The following YIPF3 variants were observed in gnomAD, a reference collection of about 807,000 sequenced individuals.
The protein encoded by YIPF3 is Yip1 domain family member 3.
In YIPF3, 18 loss-of-function variants were observed where a neutral mutation model predicts 40.3. That is an observed-to-expected ratio of 0.45 (90% CI 0.31 to 0.66). The LOEUF (loss-of-function observed/expected upper bound fraction) is 0.66, where lower values mean the gene tolerates loss of function less well. Ranked by LOEUF, YIPF3 falls within the 30% of genes least tolerant of loss-of-function variation. The probability of loss-of-function intolerance (pLI) is 0.07; values close to 1 mark genes in which losing one functional copy is unlikely to be tolerated. For missense variants in YIPF3, 406 were observed against 452.2 expected, an observed-to-expected ratio of 0.90 and a Z score of 0.93; for synonymous variants, 190 against 179.6, an observed-to-expected ratio of 1.06 and a Z score of -0.46.
intron 5 of YIPF3, 21 bp downstream of exon 5, chr6:43,513,337 CA>C (rs1322815913): frequency 1.2e-6 from 2 of 1,613,942 alleles, no homozygotes; most frequent in African/African-American, 2.7e-5. Flanking sequence ...GCCACCCCCC[CA>C]AAGTTGTCTG....
intron 3 of YIPF3, chr6:43,515,067 A>G: frequency 3.2e-6 from 1 of 315,370 alleles, no homozygotes; most frequent in South Asian, 2.4e-5. Context: ...ATCTCGGCTC[A>G]CTGCAAGCTC....
intron 7 of YIPF3, 75 bp from the exon 8 acceptor site, chr6:43,512,638 G>T: frequency 6.5e-7 from 1 of 1,547,196 alleles, no homozygotes; most frequent in Non-Finnish European, 8.7e-7. Context: ...CCCACCCAGG[G>T]CAGAACCATC....
chr6:43,514,475 A>G (rs905015878), intron 3 of YIPF3, among the ~76,000 whole-genome samples: 2 of 152,194 alleles, frequency 1.3e-5, no homozygotes, highest in African/African-American at 4.8e-5. Context: ...ATGAAAATTT[A>G]GTCACTTCCC....
chr6:43,516,897 G>A lies in YIPF3; in HGVS notation c.-90C>T. On this transcript the variant is annotated 5_prime_UTR_variant, in exon 1 of 9. Coordinates refer to ENST00000372422, the MANE Select transcript of YIPF3 (RefSeq NM_015388.4). ...GGCCTCCGGAAGGTAGACGTCCAGG[G>A]TCGAGGAGAGGTGGGATCGGCCGGA... 2.1e-6 allele frequency: 3 copies of A among 1,419,218 alleles called. No homozygotes were observed. The highest frequency in any genetic ancestry group is 2.5e-5 in the East Asian group (1 of 40,278). The allele number at this position is 1,419,218 out of a possible 1,614,324, so 87.9% of individuals were successfully genotyped here.
Position 43,513,593 on chromosome 6 carries a change from G to C in YIPF3, c.436C>G (p.Pro146Ala). ...SMIPIKMVNF[P>A]QKIAGELYGP... is the part of the protein sequence containing the mutation. ...ACATGCCACCCTCTATTCACCTGGG[G>C]GAAGTTGACCATCTTGATAGGGATC... is the stretch of plus-strand genomic sequence containing the variant. Residue 146 changes from proline (P) to alanine (A), a missense_variant, in exon 4 of 9, where the codon CCC becomes GCC. Coordinates refer to ENST00000372422, the MANE Select transcript of YIPF3 (RefSeq NM_015388.4). 6.3e-7 allele frequency: 1 copy of C among 1,582,538 alleles called. No individual in the cohort carries two copies. Among genetic ancestry groups the C allele is most frequent in the South Asian group, 1.2e-5 (1 of 85,924 alleles).
chr6:43,514,943 A>C (rs974176732), intron 3 of YIPF3, among the ~76,000 whole-genome samples: 8 of 152,094 alleles, frequency 5.3e-5, no homozygotes, highest in African/African-American at 1.9e-4. Flanking sequence ...TCCAGGAATA[A>C]GAAAGGATAG....
In YIPF3 at chr6:43,516,070, A is replaced by G. The variant is rs147018912; in HGVS notation, c.107T>C (p.Met36Thr). ...GCCTGAGGTATCATCCATGTTCTCC[A>G]TGTCAATCACAGCTGAGCCTCCGCC... ...IQGGGSAVID[M>T]ENMDDTSGSS... The change falls in exon 2 of 9, where the codon ATG becomes ACG. Residue 36 changes from methionine to threonine, a missense_variant. Coordinates refer to ENST00000372422, the MANE Select transcript of YIPF3 (RefSeq NM_015388.4). The G allele has an allele frequency of 4.2e-4, 673 of 1,614,124 alleles. 1 individual carries two copies. The highest frequency in any genetic ancestry group is 5.5e-4 in the Non-Finnish European group (651 of 1,180,038).
In YIPF3 at chr6:43,512,428, C is replaced by T; in HGVS notation, c.904+12G>A. On this transcript the variant is annotated intron_variant, in intron 8 of 8. Coordinates refer to ENST00000372422, the MANE Select transcript of YIPF3 (RefSeq NM_015388.4). ...TCCCATTCTCCCCCACCCAGACCTT[C>T]CTGCCACTTACCCTCTACCACTTTG... 1 of 1,614,174 alleles carries T rather than the reference C, an allele frequency of 6.2e-7. No individual in the cohort carries two copies. The highest frequency in any genetic ancestry group is 8.5e-7 in the Non-Finnish European group (1 of 1,180,016).
chr6:43,515,974 TCAGCTG>T lies in YIPF3; in HGVS notation c.197_202del (p.Ala66_Ala67del). ...ATCCTCCTCTTCAGCAGCAGCTGCA[TCAGCTG>T]CATCAGCGTCTACTTCTTCCTCGCG... On this transcript the variant is annotated inframe_deletion, in exon 2 of 9. Transcript: ENST00000372422. 1.2e-6 allele frequency: 2 copies of T among 1,613,834 alleles called. No homozygotes were observed. Among genetic ancestry groups the T allele is most frequent in the Non-Finnish European group, 1.7e-6 (2 of 1,179,802 alleles).
At chr6:43,512,896 A>T in intron 6 of YIPF3, 22 bp from the exon 7 acceptor site, 1 of 1,610,092 alleles carries the variant, frequency 6.2e-7, no homozygotes, top group East Asian at 2.2e-5. Flanking sequence ...GATGGTGGAG[A>T]GGAAAATCAT....
chr6:43,512,032 A>G lies in YIPF3; in HGVS notation c.*135T>C. The G allele has an allele frequency of 7.3e-7, 1 of 1,372,270 alleles. No homozygotes were observed. 85.0% of individuals were successfully genotyped at this position (1,372,270 alleles called of 1,614,324 possible). A position where few individuals can be genotyped will look rare whatever the true frequency, so the allele number is the denominator to read the frequency against. On this transcript the variant is annotated 3_prime_UTR_variant, in exon 9 of 9. Coordinates refer to ENST00000372422, the MANE Select transcript of YIPF3 (RefSeq NM_015388.4). ...TCAGAAGTGCCGACAGGCATCAAGG[A>G]GGTACTTACGCAGCTACAGCTCAGT...
intron 3 of YIPF3, 77 bp downstream of exon 3, chr6:43,515,518 G>A: frequency 6.7e-7 from 1 of 1,492,040 alleles, no homozygotes; most frequent in South Asian, 1.1e-5. Flanking sequence ...TCAGAGCCCA[G>A]GGCTTGAAAT....
At chr6:43,515,139 CG>C (rs1196214340) in intron 3 of YIPF3, 1 of 372,752 alleles carries the variant, frequency 2.7e-6, no homozygotes, top group Non-Finnish European at 5.3e-6. Context: ...GCTGGGACTA[CG>C]GGCACCCGCC....
chr6:43,512,350 T>C, intron 8 of YIPF3, 35 bp from the exon 9 acceptor site: 1 of 1,612,868 alleles, frequency 6.2e-7, no homozygotes, highest in South Asian at 1.1e-5. Flanking sequence ...GAGGATCAGA[T>C]GGGCCCAGCC....
At chr6:43,515,403 A>G in intron 3 of YIPF3, 192 bp downstream of exon 3, 1 of 682,498 alleles carries the variant, frequency 1.5e-6, no homozygotes. Flanking sequence ...GAAGATGAGT[A>G]GTCAGTTAGA....
intron 2 of YIPF3, 73 bp from the exon 3 acceptor site, chr6:43,515,774 A>T: frequency 6.2e-7 from 1 of 1,606,336 alleles, no homozygotes; most frequent in Admixed American, 1.7e-5. Context: ...TTTCCGTTTG[A>T]TTTCTACATG....
chr6:43,516,541 G>A (rs1792838962), intron 1 of YIPF3, 186 bp downstream of exon 1: 1 of 688,170 alleles, frequency 1.5e-6, no homozygotes, highest in Non-Finnish European at 2.3e-6. Context: ...GAGATCCTCA[G>A]GCTGGAGTAG....
In YIPF3 at chr6:43,513,640, G is replaced by A. The variant is rs369381937; in HGVS notation, c.396-7C>T. The A allele has an allele frequency of 7.1e-6, 11 of 1,544,384 alleles. No individual in the cohort carries two copies. The highest frequency in any genetic ancestry group is 8.7e-6 in the Non-Finnish European group (10 of 1,147,230). On this transcript the variant is annotated splice_region_variant and splice_polypyrimidine_tract_variant and intron_variant, in intron 3 of 8. Transcript: ENST00000372422. ...GATCATGGACTCCAGGAGCCTGGGA[G>A]AGGAGAGGAGAGATTAAAGCAAAGG...
Position 43,516,045 on chromosome 6 carries a change from G to A in YIPF3, c.132C>T (p.Gly44=). ...IDMENMDDTS[G]SSFEDMGELH... is the part of the protein sequence containing the mutation. ...GCTCACCCATATCCTCGAAGCTAGA[G>A]CCTGAGGTATCATCCATGTTCTCCA... Residue 44 remains glycine (G), a synonymous_variant, in exon 2 of 9, where the codon GGC becomes GGT. Coordinates refer to ENST00000372422, the MANE Select transcript of YIPF3 (RefSeq NM_015388.4). 1.2e-6 allele frequency: 2 copies of A among 1,614,256 alleles called. No individual in the cohort carries two copies. The highest frequency in any genetic ancestry group is 8.5e-7 in the Non-Finnish European group (1 of 1,180,050).
Sources: gnomAD v4.1 joint callset for allele counts (sites outside exome capture counted in the v4.1 genomes callset) on GRCh38, gnomAD v4.1.1 for gene constraint, MANE v1.5 for transcripts, NCBI Gene and HGNC (gene_info 2026-07-23, HGNC 2026-07-21) for gene names.